PLXNA4: variants seen among roughly 807,000 people sequenced by gnomAD.
PLXNA4 encodes the protein plexin A4, also known as plexin-A4.
A neutral mutation model predicts 191.8 loss-of-function variants in PLXNA4; 44 were observed. The ratio of observed to expected loss-of-function variants is 0.23; its 90% CI spans 0.18 to 0.29. The LOEUF (loss-of-function observed/expected upper bound fraction) is 0.29. PLXNA4 is among the 10% of genes least tolerant of loss of function. The pLI is 1.00. For synonymous variants in PLXNA4, 1,082 were observed against 1,009.5 expected (o/e 1.07, Z -1.36); for missense variants, 1,800 against 2,488.8 (o/e 0.72, Z 5.89).
intron 2 of PLXNA4, among the ~76,000 whole-genome samples, chr7:132,607,146 T>C (rs1056562978): frequency 1.3e-5 from 2 of 152,148 alleles, no homozygotes; most frequent in African/African-American, 4.8e-5. Context: ...AAAACAAAGA[T>C]TTTCAATAAT....
At chr7:132,539,598 A>G (rs1026005309) in intron 1 of PLXNA4, among the ~76,000 whole-genome samples, 1 of 152,178 alleles carries the variant, frequency 6.6e-6, no homozygotes, top group Admixed American at 6.5e-5. Flanking sequence ...CTTGAGTAAT[A>G]CACTTAAGTC....
At chr7:132,245,243 G>C (rs1799009177) in intron 4 of PLXNA4, among the ~76,000 whole-genome samples, 1 of 152,158 alleles carries the variant, frequency 6.6e-6, no homozygotes, top group African/African-American at 2.4e-5. Context: ...AAATCAGATG[G>C]TGACGTGACC....
intron 11 of PLXNA4, 86 bp from the exon 12 acceptor site, chr7:132,202,922 G>A (rs1797488824): frequency 2.2e-6 from 3 of 1,348,792 alleles, no homozygotes; most frequent in Non-Finnish European, 3.0e-6. Flanking sequence ...AGAGTGCAGT[G>A]CCAGCCTGGG....
Position 132,203,536 on chromosome 7 carries a change from C to T in PLXNA4, c.2299-117G>A, listed in dbSNP as rs574451206. The T allele has an allele frequency of 3.1e-5, 27 of 861,474 alleles. No individual in the cohort carries two copies. In the East Asian group the frequency reaches 4.4e-4, roughly 14 times the overall value. The allele number at this position is 861,474 out of a possible 1,614,324, so 53.4% of individuals were successfully genotyped here. ...CTCACAGGCTAAAGACTGGCCAAGA[C>T]TGTGCTTGTGTGCATGTGTCTACCT... is the stretch of plus-strand genomic sequence containing the variant. On this transcript the variant is annotated intron_variant, in intron 10 of 31. Transcript: ENST00000321063.
At chr7:132,270,190 A>G (rs1320364084) in intron 4 of PLXNA4, among the ~76,000 whole-genome samples, 5 of 152,230 alleles carry the variant, frequency 3.3e-5, no homozygotes, top group Non-Finnish European at 7.3e-5. Context: ...CATACCACGT[A>G]TGGAGAGAGC....
chr7:132,271,957 G>A (rs951748083), intron 4 of PLXNA4, among the ~76,000 whole-genome samples: 6 of 152,142 alleles, frequency 3.9e-5, no homozygotes, highest in African/African-American at 1.2e-4. Context: ...ACAGATGATA[G>A]GAAGAAATGC....
intron 3 of PLXNA4, among the ~76,000 whole-genome samples, chr7:132,426,847 G>T (rs1445376001): frequency 6.6e-6 from 1 of 152,142 alleles, no homozygotes; most frequent in Non-Finnish European, 1.5e-5. Flanking sequence ...TCATTAAAGA[G>T]AATTTAAATT....
chr7:132,624,385 A>G (rs1803329934), intron 2 of PLXNA4, among the ~76,000 whole-genome samples: 1 of 152,220 alleles, frequency 6.6e-6, no homozygotes, highest in Non-Finnish European at 1.5e-5. Flanking sequence ...CCATGGCTAC[A>G]GGTTCTGTCT....
At chr7:132,296,278 C>T (rs1366576389) in intron 4 of PLXNA4, among the ~76,000 whole-genome samples, 1 of 152,152 alleles carries the variant, frequency 6.6e-6, no homozygotes, top group East Asian at 1.9e-4. Context: ...ACAGTGACCA[C>T]ATTACCCATC....
intron 1 of PLXNA4, among the ~76,000 whole-genome samples, chr7:132,520,691 G>A (rs1799139709): frequency 6.6e-6 from 1 of 152,186 alleles, no homozygotes; most frequent in Non-Finnish European, 1.5e-5. Context: ...CAAGCCGAGA[G>A]TCCATACACT....
chr7:132,565,333 G>C (rs550180348), intron 1 of PLXNA4, among the ~76,000 whole-genome samples: 3 of 152,284 alleles, frequency 2.0e-5, no homozygotes, highest in Admixed American at 2.0e-4. Flanking sequence ...TCCCTGGCCA[G>C]TATATAATAC....
intron 2 of PLXNA4, among the ~76,000 whole-genome samples, chr7:132,645,365 T>C (rs772848978): frequency 4.6e-5 from 7 of 152,146 alleles, no homozygotes; most frequent in Non-Finnish European, 1.0e-4. Context: ...GTTTTACAAG[T>C]GTTTGACAGC....
chr7:132,244,997 C>T (rs1798999526), intron 4 of PLXNA4, among the ~76,000 whole-genome samples: 1 of 152,264 alleles, frequency 6.6e-6, no homozygotes, highest in South Asian at 2.1e-4. Flanking sequence ...CACTCACAGC[C>T]TTACACCATA....
chr7:132,483,232 G>T (rs1048549779), intron 3 of PLXNA4, among the ~76,000 whole-genome samples: 2 of 152,124 alleles, frequency 1.3e-5, no homozygotes, highest in Non-Finnish European at 2.9e-5. Flanking sequence ...AGCAATTGCC[G>T]GTAACAAAGA....
chr7:132,251,612 T>G (rs1799255607), intron 4 of PLXNA4, among the ~76,000 whole-genome samples: 1 of 152,234 alleles, frequency 6.6e-6, no homozygotes, highest in African/African-American at 2.4e-5. Flanking sequence ...AGGGCTCTGC[T>G]GACCAGCGTT....
chr7:132,636,377 G>A (rs1803605903), intron 2 of PLXNA4, among the ~76,000 whole-genome samples: 1 of 152,214 alleles, frequency 6.6e-6, no homozygotes, highest in Non-Finnish European at 1.5e-5. Flanking sequence ...CTAGCCACAT[G>A]GGTTGGGAGA....
chr7:132,539,701 G>C (rs1585300643), intron 1 of PLXNA4, among the ~76,000 whole-genome samples: 1 of 152,294 alleles, frequency 6.6e-6, no homozygotes, highest in East Asian at 1.9e-4. Context: ...TGGTTACAAA[G>C]ATTAAATAAG....
chr7:132,572,628 C>T (rs1802031793), intron 1 of PLXNA4, among the ~76,000 whole-genome samples: 1 of 152,190 alleles, frequency 6.6e-6, no homozygotes, highest in South Asian at 2.1e-4. Context: ...TTTTAAAATC[C>T]ATCTCTTACC....
At chr7:132,563,165 CCTT>C (rs1358035624) in intron 1 of PLXNA4, among the ~76,000 whole-genome samples, 4 of 73,582 alleles carry the variant, frequency 5.4e-5, no homozygotes, top group Non-Finnish European at 1.2e-4. Flanking sequence ...TCCTCCTCCT[CCTT>C]CTCCTCCTCC....
Sources: allele counts gnomAD v4.1 joint callset (sites outside exome capture counted in the v4.1 genomes callset), GRCh38; gene constraint gnomAD v4.1.1; transcripts MANE v1.5; gene names NCBI Gene and HGNC (gene_info 2026-07-23, HGNC 2026-07-21).